CDCA7L: variants seen among roughly 807,000 people sequenced by gnomAD.
The protein encoded by CDCA7L is cell division cycle associated 7 like.
In CDCA7L, 44 loss-of-function variants were observed where a neutral mutation model predicts 57.4. The observed-to-expected ratio is 0.77, with a 90% CI of 0.60 to 0.98. CDCA7L has a LOEUF of 0.98. Among genes scored for constraint, CDCA7L ranks in the 50% least tolerant of loss-of-function variants. CDCA7L has a pLI of 0.00. For synonymous variants in CDCA7L, 236 were observed against 202.8 expected, an observed-to-expected ratio of 1.16 and a Z score of -1.39; for missense variants, 644 against 580.6, an observed-to-expected ratio of 1.11 and a Z score of -1.12.
chr7:21,907,255 G>A (rs538969376), intron 4 of CDCA7L, among the ~76,000 whole-genome samples: 1 of 152,252 alleles, frequency 6.6e-6, no homozygotes, highest in African/African-American at 2.4e-5. Context: ...TTATTTTAAA[G>A]ATGCAGATGG....
Position 21,932,402 on chromosome 7 carries a change from T to C in CDCA7L, c.24+13379A>G, listed in dbSNP as rs563147418. ...CATCATGCTACCTGATTTCAATCTA[T>C]ACTACAAGGCTACAGTAACCAAAAC... On this transcript the variant is annotated intron_variant, in intron 1 of 9. Coordinates refer to ENST00000406877, the MANE Select transcript of CDCA7L (RefSeq NM_018719.5). 4.6e-5 allele frequency among the ~76,000 whole-genome samples: 7 copies of C among 152,286 alleles called. No individual in the cohort carries two copies. In the South Asian group the frequency reaches 8.3e-4, roughly 18 times the overall value.
chr7:21,921,620 T>C (rs1022725043), intron 1 of CDCA7L, among the ~76,000 whole-genome samples: 1 of 151,628 alleles, frequency 6.6e-6, no homozygotes, highest in African/African-American at 2.4e-5. Context: ...AAAGTTTGTG[T>C]TCCATTCTAT....
At position 21,916,032 on chromosome 7, in the gene CDCA7L, A is replaced by G. The variant is rs367614182; in HGVS notation, c.165+722T>C. Among the ~76,000 whole-genome samples, 12 of 152,286 alleles carry G rather than the reference A, an allele frequency of 7.9e-5. No individual in the cohort carries two copies. In the East Asian group the frequency reaches 9.7e-4, roughly 12 times the overall value. The stretch of plus-strand genomic sequence containing the variant: ...GAACTTACAGTGGCCCACGTAATTA[A>G]GCAGGCACTTCACTTACATATAATT... On this transcript the variant is annotated intron_variant, in intron 2 of 9. Coordinates refer to ENST00000406877, the MANE Select transcript of CDCA7L (RefSeq NM_018719.5).
chr7:21,944,780 C>T (rs1229628526), intron 1 of CDCA7L: 1 of 152,036 alleles, frequency 6.6e-6, no homozygotes, highest in Non-Finnish European at 1.5e-5. Context: ...CCCGCCTCCC[C>T]TTCTCCCGGG....
rs1328959294 is a variant in CDCA7L at position 21,902,371 on chromosome 7, G to GTATT, written c.1335-23_1335-20dup. 2.5e-6 allele frequency: 4 copies of GTATT among 1,612,778 alleles called. No individual in the cohort carries two copies. The highest frequency in any genetic ancestry group is 3.4e-6 in the Non-Finnish European group (4 of 1,178,856). On this transcript the variant is annotated intron_variant, in intron 9 of 9. Coordinates refer to ENST00000406877, the MANE Select transcript of CDCA7L (RefSeq NM_018719.5). ...TTGTAAGCTGGGAAAAAGATGAGAA[G>GTATT]TATTTGGTAAAGTAGTACAAATACA...
intron 1 of CDCA7L, among the ~76,000 whole-genome samples, chr7:21,931,883 G>A (rs950533088): frequency 6.6e-6 from 1 of 152,228 alleles, no homozygotes; most frequent in Non-Finnish European, 1.5e-5. Context: ...TCTGTTTGCA[G>A]ATGACATGAC....
At chr7:21,905,464 C>A (rs1785109892) in intron 7 of CDCA7L, 42 bp downstream of exon 7, 2 of 1,599,092 alleles carry the variant, frequency 1.3e-6, no homozygotes, top group African/African-American at 2.7e-5. Flanking sequence ...AATACCAATG[C>A]CTTCGACTCC....
At chr7:21,907,598 G>A (rs994131628) in intron 4 of CDCA7L, among the ~76,000 whole-genome samples, 3 of 152,162 alleles carry the variant, frequency 2.0e-5, no homozygotes, top group African/African-American at 7.2e-5. Flanking sequence ...TCCATTCATT[G>A]TTCTAATGAA....
chr7:21,917,396 G>T (rs997488245), intron 1 of CDCA7L, among the ~76,000 whole-genome samples: 1 of 152,094 alleles, frequency 6.6e-6, no homozygotes, highest in Non-Finnish European at 1.5e-5. Context: ...TTTCTATATT[G>T]TAAGTCAACT....
At chr7:21,926,363 G>A (rs1455512189) in intron 1 of CDCA7L, among the ~76,000 whole-genome samples, 1 of 152,170 alleles carries the variant, frequency 6.6e-6, no homozygotes, top group Non-Finnish European at 1.5e-5. Flanking sequence ...AGAAAAATCT[G>A]CAGAATGGGA....
At chr7:21,911,363 C>T (rs186923244) in intron 3 of CDCA7L, among the ~76,000 whole-genome samples, 10 of 152,042 alleles carry the variant, frequency 6.6e-5, no homozygotes, top group African/African-American at 1.7e-4. Flanking sequence ...CAATAAAGGA[C>T]GCCTGGGACA....
intron 1 of CDCA7L, among the ~76,000 whole-genome samples, chr7:21,943,200 CGACAA>C (rs1409457037): frequency 2.0e-5 from 3 of 152,186 alleles, no homozygotes; most frequent in Non-Finnish European, 4.4e-5. Flanking sequence ...GTGGTCAGCA[CGACAA>C]GACTACAGCC....
chr7:21,932,702 G>A (rs1481679723), intron 1 of CDCA7L, among the ~76,000 whole-genome samples: 2 of 151,980 alleles, frequency 1.3e-5, no homozygotes, highest in Admixed American at 6.6e-5. Flanking sequence ...AAACACCCTA[G>A]AAAAAAACCT....
At chr7:21,933,546 C>T (rs1786078424) in intron 1 of CDCA7L, among the ~76,000 whole-genome samples, 1 of 152,106 alleles carries the variant, frequency 6.6e-6, no homozygotes, top group Non-Finnish European at 1.5e-5. Flanking sequence ...AGCAAACTAA[C>T]ACAAGAACAG....
Position 21,905,519 on chromosome 7 carries a change from T to A in CDCA7L, c.1034A>T (p.Tyr345Phe), listed in dbSNP as rs760100535. 1 of 1,613,934 alleles carries A rather than the reference T, an allele frequency of 6.2e-7. No homozygotes were observed. The highest frequency in any genetic ancestry group is 8.5e-7 in the Non-Finnish European group (1 of 1,179,876). The change falls in exon 7 of 10, where the codon TAT becomes TTT. Residue 345 changes from tyrosine to phenylalanine, a missense_variant. Tyr to Phe is a conservative substitution (Grantham distance 22). Transcript: ENST00000406877. ...NVAITVRDKI[Y>F]DKVLGNTCHQ... Reference sequence around the variant, plus strand: ...TGTATACTTTACCAGAACTTTATCATAGATTTTATCTCGAACAGTTATGGC... The same window carrying A: ...TGTATACTTTACCAGAACTTTATCAAAGATTTTATCTCGAACAGTTATGGC...
At chr7:21,916,951 G>A in intron 1 of CDCA7L, 57 bp from the exon 2 acceptor site, 4 of 1,599,882 alleles carry the variant, frequency 2.5e-6, no homozygotes, top group Non-Finnish European at 1.7e-6. Context: ...AATCACTTAG[G>A]GACATTTTCT....
At position 21,941,049 on chromosome 7, in the gene CDCA7L, G is replaced by C. The variant is rs1174905353; in HGVS notation, c.24+4732C>G. Among the ~76,000 whole-genome samples, 6 of 152,058 alleles carry C rather than the reference G, an allele frequency of 3.9e-5. No homozygotes were observed. In the South Asian group the frequency reaches 1.2e-3, roughly 32 times the overall value. The stretch of plus-strand genomic sequence containing the variant: ...CGCAACAAAAGGGGAAATGCCCTAG[G>C]AAAACAATGTGTCAGAGGCTCCTAA... On this transcript the variant is annotated intron_variant, in intron 1 of 9. Coordinates refer to ENST00000406877, the MANE Select transcript of CDCA7L (RefSeq NM_018719.5).
At chr7:21,925,571 T>C (rs1173918378) in intron 1 of CDCA7L, among the ~76,000 whole-genome samples, 1 of 152,204 alleles carries the variant, frequency 6.6e-6, no homozygotes, top group Non-Finnish European at 1.5e-5. Flanking sequence ...TGAATTACTA[T>C]TAGCAGTTAA....
chr7:21,939,239 T>C (rs1453950051), intron 1 of CDCA7L, among the ~76,000 whole-genome samples: 4 of 152,120 alleles, frequency 2.6e-5, no homozygotes, highest in Non-Finnish European at 5.9e-5. Flanking sequence ...AGAGTTTCAG[T>C]TTAAAATGAT....
Sources: gnomAD v4.1 joint callset for allele counts (sites outside exome capture counted in the v4.1 genomes callset) on GRCh38, gnomAD v4.1.1 for gene constraint, MANE v1.5 for transcripts, NCBI Gene and HGNC (gene_info 2026-07-23, HGNC 2026-07-21) for gene names.